Variants in NAV2 observed in about 807,000 individuals in gnomAD.
NAV2 encodes neuron navigator 2.
In NAV2, 54 loss-of-function variants were observed where a neutral mutation model predicts 223.2. The ratio of observed to expected loss-of-function variants is 0.24; its 90% CI spans 0.19 to 0.30. The LOEUF is 0.30. NAV2 is among the 10% of genes least tolerant of loss of function. The probability of loss-of-function intolerance (pLI) is 1.00; values close to 1 mark genes in which losing one functional copy is unlikely to be tolerated. For synonymous variants in NAV2, 1,279 were observed against 1,239.3 expected (o/e 1.03, Z -0.67); for missense variants, 2,806 against 3,147.5 (o/e 0.89, Z 2.60).
At chr11:20,106,611 T>C (rs1467968005) in intron 35 of NAV2, among the ~76,000 whole-genome samples, 1 of 150,544 alleles carries the variant, frequency 6.6e-6, no homozygotes, top group Non-Finnish European at 1.5e-5. Context: ...GAGCATTCTT[T>C]GTTGCTACTC....
chr11:19,959,439 C>T (rs764462447), intron 10 of NAV2, among the ~76,000 whole-genome samples: 3 of 152,132 alleles, frequency 2.0e-5, no homozygotes, highest in Non-Finnish European at 4.4e-5. Context: ...CCTGTGGGGA[C>T]CTTGTAAGTT....
In NAV2 at chr11:20,103,394, GC is replaced by G. The variant is rs1565079628; in HGVS notation, c.6558del (p.Cys2186Ter). The G allele has an allele frequency of 6.2e-7, 1 of 1,613,760 alleles. No homozygotes were observed. The highest frequency in any genetic ancestry group is 2.2e-5 in the East Asian group (1 of 44,882). On this transcript the variant is annotated frameshift_variant, in exon 33 of 38. Transcript: ENST00000349880. LOFTEE classifies it high-confidence loss of function. Reference protein sequence around the residue: ...LGEIFNGLLNCKYHKCPYIIG... With the variant: ...LGEIFNGLLNXKYHKCPYIIG... ...GAGATCTTCAATGGGCTGCTCAACT[GC>G]AAGTACCACAAATGGTAAAGGCTGG...
chr11:19,894,177 A>C (rs1565510309), intron 6 of NAV2, among the ~76,000 whole-genome samples: 1 of 152,236 alleles, frequency 6.6e-6, no homozygotes, highest in Non-Finnish European at 1.5e-5. Context: ...AAGAAAGTTT[A>C]AGTACTTGCT....
chr11:19,386,122 T>G (rs1849034450), intron 1 of NAV2, among the ~76,000 whole-genome samples: 1 of 152,228 alleles, frequency 6.6e-6, no homozygotes, highest in Non-Finnish European at 1.5e-5. Context: ...ATTAATGCAG[T>G]CTTAAATTGT....
chr11:19,973,205 A>AC, intron 10 of NAV2, among the ~76,000 whole-genome samples: 1 of 152,150 alleles, frequency 6.6e-6, no homozygotes, highest in East Asian at 1.9e-4. Flanking sequence ...TTTTGTTGTT[A>AC]CCTGGGGGGG....
At chr11:19,726,372 G>C (rs1001129388) in intron 1 of NAV2, among the ~76,000 whole-genome samples, 2 of 152,126 alleles carry the variant, frequency 1.3e-5, no homozygotes, top group African/African-American at 4.8e-5. Context: ...TGGAACCTTA[G>C]AACTATATCA....
At chr11:19,512,957 AC>A (rs1386935353) in intron 1 of NAV2, among the ~76,000 whole-genome samples, 2 of 152,204 alleles carry the variant, frequency 1.3e-5, no homozygotes, top group African/African-American at 4.8e-5. Flanking sequence ...ATATGTGAGA[AC>A]TTTGCTTTGG....
intron 1 of NAV2, among the ~76,000 whole-genome samples, chr11:19,809,066 T>C (rs1249158361): frequency 6.6e-6 from 1 of 152,216 alleles, no homozygotes; most frequent in African/African-American, 2.4e-5. Flanking sequence ...GCACAAATAG[T>C]TCTTTCATGG....
chr11:19,900,757 AT>A (rs1308039047), intron 6 of NAV2, among the ~76,000 whole-genome samples: 36 of 152,242 alleles, frequency 2.4e-4, no homozygotes, highest in Non-Finnish European at 1.6e-4. Context: ...TCCCATCCAG[AT>A]GTGTCATTTT....
At chr11:19,366,356 A>G (rs1400244713) in intron 1 of NAV2, among the ~76,000 whole-genome samples, 1 of 152,136 alleles carries the variant, frequency 6.6e-6, no homozygotes, top group Non-Finnish European at 1.5e-5. Flanking sequence ...GAGGGTGTGG[A>G]TGGCTTCTTC....
intron 3 of NAV2, among the ~76,000 whole-genome samples, chr11:19,849,047 G>A (rs1385951080): frequency 1.3e-5 from 2 of 152,136 alleles, no homozygotes; most frequent in African/African-American, 4.8e-5. Context: ...AACATTTATT[G>A]ATCACTCACT....
intron 1 of NAV2, among the ~76,000 whole-genome samples, chr11:19,704,888 G>A (rs2049612709): frequency 6.6e-6 from 1 of 151,566 alleles, no homozygotes; most frequent in Admixed American, 6.6e-5. Context: ...GCGGGCGCCT[G>A]TAGTCCCAGC....
chr11:20,103,185 C>A, intron 32 of NAV2, 70 bp from the exon 33 acceptor site: 1 of 1,490,236 alleles, frequency 6.7e-7, no homozygotes, highest in South Asian at 1.3e-5. Flanking sequence ...GAGGCAAAGG[C>A]CCTGAGCGGT....
intron 3 of NAV2, among the ~76,000 whole-genome samples, chr11:19,867,452 G>A (rs1252339763): frequency 6.6e-6 from 1 of 152,198 alleles, no homozygotes; most frequent in Non-Finnish European, 1.5e-5. Context: ...ATCAAAAGTG[G>A]TCATCCACGG....
In NAV2 at chr11:20,080,056, G is replaced by C. The variant is rs2059995105; in HGVS notation, c.5180-8G>C. On this transcript the variant is annotated splice_region_variant and splice_polypyrimidine_tract_variant and intron_variant, in intron 24 of 37. Transcript: ENST00000349880. ...GCAGCTGCTGAAACACCCTGCCTTG[G>C]TCTCCAGGAAACGGCACTGCCCAGT... 1 of 1,612,940 alleles carries C rather than the reference G, an allele frequency of 6.2e-7. No homozygotes were observed. Among genetic ancestry groups the C allele is most frequent in the South Asian group, 1.1e-5 (1 of 90,982 alleles).
chr11:19,854,272 G>T (rs1345782581), intron 3 of NAV2, among the ~76,000 whole-genome samples: 1 of 152,144 alleles, frequency 6.6e-6, no homozygotes, highest in African/African-American at 2.4e-5. Flanking sequence ...GGGAAATCCT[G>T]TTTGGACGTT....
intron 6 of NAV2, among the ~76,000 whole-genome samples, chr11:19,900,163 G>C (rs1008038378): frequency 6.6e-6 from 1 of 152,182 alleles, no homozygotes. Context: ...AATTCTCTGG[G>C]ATATTGCCTG....
At chr11:19,809,239 C>T (rs1311804003) in intron 1 of NAV2, among the ~76,000 whole-genome samples, 1 of 152,090 alleles carries the variant, frequency 6.6e-6, no homozygotes, top group Non-Finnish European at 1.5e-5. Context: ...TATTCACATA[C>T]CCATGTATGT....
chr11:19,624,177 T>G (rs188200160), intron 1 of NAV2, among the ~76,000 whole-genome samples: 1 of 152,208 alleles, frequency 6.6e-6, no homozygotes, highest in Non-Finnish European at 1.5e-5. Context: ...AGTCGGACCC[T>G]ACTGCGAGGT....
Sources: allele counts gnomAD v4.1 joint callset (sites outside exome capture counted in the v4.1 genomes callset), GRCh38; gene constraint gnomAD v4.1.1; transcripts MANE v1.5; gene names NCBI Gene and HGNC (gene_info 2026-07-23, HGNC 2026-07-21).